Variants in PANK1 observed in about 807,000 individuals in gnomAD.
PANK1 encodes the protein pantothenate kinase 1, also known as pantothenic acid kinase 1.
A neutral mutation model predicts 40.1 loss-of-function variants in PANK1; 18 were observed. The observed-to-expected ratio is 0.45, with a 90% CI of 0.31 to 0.67. The LOEUF (loss-of-function observed/expected upper bound fraction) is 0.67, where lower values mean the gene tolerates loss of function less well. Ranked by LOEUF, PANK1 falls within the 30% of genes least tolerant of loss-of-function variation. The probability of loss-of-function intolerance (pLI) is 0.06; values close to 1 mark genes in which losing one functional copy is unlikely to be tolerated. For missense variants in PANK1, 457 were observed against 599.6 expected, an observed-to-expected ratio of 0.76 and a Z score of 2.48; for synonymous variants, 242 against 237.7, an observed-to-expected ratio of 1.02 and a Z score of -0.17.
chr10:89,595,764 C>A (rs7905082), intron 3 of PANK1, among the ~76,000 whole-genome samples: 83,643 of 137,260 alleles, frequency 0.61, 25,943 homozygotes, highest in East Asian at 0.93. Flanking sequence ...CTGTAGTGAG[C>A]CGAGATTGCA....
intron 1 of PANK1, among the ~76,000 whole-genome samples, chr10:89,624,691 G>C (rs376665803): frequency 2.6e-5 from 4 of 152,080 alleles, no homozygotes; most frequent in East Asian, 3.9e-4. Flanking sequence ...TTAACAACAT[G>C]GTTTCTCAAA....
chr10:89,589,994 T>C (rs1193998835), intron 5 of PANK1, among the ~76,000 whole-genome samples: 1 of 145,314 alleles, frequency 6.9e-6, no homozygotes, highest in Non-Finnish European at 1.5e-5. Flanking sequence ...GAGCATTCCA[T>C]GTTTCAAATA....
intron 2 of PANK1, among the ~76,000 whole-genome samples, chr10:89,608,834 T>C (rs1845063971): frequency 6.6e-6 from 1 of 152,250 alleles, no homozygotes; most frequent in South Asian, 2.1e-4. Flanking sequence ...GTTAGCATCT[T>C]CGATTTTCTA....
chr10:89,639,383 C>A (rs181750923), intron 1 of PANK1: 6 of 277,934 alleles, frequency 2.2e-5, no homozygotes, highest in Non-Finnish European at 3.9e-5. Flanking sequence ...TTGGAGATTA[C>A]ATTTCCAACA....
intron 1 of PANK1, among the ~76,000 whole-genome samples, chr10:89,637,826 G>A (rs1376789097): frequency 6.6e-6 from 1 of 151,956 alleles, no homozygotes; most frequent in African/African-American, 2.4e-5. Flanking sequence ...TTTGACTCTT[G>A]TAATAACACT....
downstream of PANK1, chr10:89,581,483 A>G (rs1844049424): frequency 6.6e-6 from 1 of 151,296 alleles, no homozygotes; most frequent in South Asian, 2.1e-4. Context: ...CATTGGTGTG[A>G]TCTCGGCTCA....
intron 1 of PANK1, among the ~76,000 whole-genome samples, chr10:89,620,438 A>C (rs1196601880): frequency 6.6e-6 from 1 of 152,214 alleles, no homozygotes; most frequent in Non-Finnish European, 1.5e-5. Flanking sequence ...ATGCAGTTGA[A>C]GATAAGGGAT....
chr10:89,604,718 T>C (rs1243463996), intron 2 of PANK1, among the ~76,000 whole-genome samples: 1 of 149,466 alleles, frequency 6.7e-6, no homozygotes, highest in East Asian at 2.0e-4. Context: ...AAAAAAGTTG[T>C]TTACACTATA....
chr10:89,596,839 C>T (rs1266512521), intron 3 of PANK1, among the ~76,000 whole-genome samples: 1 of 152,150 alleles, frequency 6.6e-6, no homozygotes, highest in Non-Finnish European at 1.5e-5. Flanking sequence ...TGTACTGCTA[C>T]TTTCACCAAA....
At chr10:89,610,986 TA>T (rs11318817) in intron 2 of PANK1, among the ~76,000 whole-genome samples, 82,657 of 150,858 alleles carry the variant, frequency 0.55, 23,320 homozygotes, top group South Asian at 0.63. Flanking sequence ...AAGGGAATGC[TA>T]AAAAAAAAAG....
chr10:89,603,746 G>T (rs897788520), intron 2 of PANK1, among the ~76,000 whole-genome samples: 1 of 152,140 alleles, frequency 6.6e-6, no homozygotes, highest in African/African-American at 2.4e-5. Context: ...TCACCTGGAG[G>T]GTTGGTTAAA....
chr10:89,642,042 T>C (rs887232041), intron 1 of PANK1, among the ~76,000 whole-genome samples: 1 of 152,144 alleles, frequency 6.6e-6, no homozygotes, highest in African/African-American at 2.4e-5. Context: ...AGTAAGTAGA[T>C]AGTCTAAGAA....
At chr10:89,642,984 T>C (rs1842010411) in intron 1 of PANK1, among the ~76,000 whole-genome samples, 1 of 152,214 alleles carries the variant, frequency 6.6e-6, no homozygotes, top group Non-Finnish European at 1.5e-5. Flanking sequence ...TCTTGTATTT[T>C]AAAATAATTT....
In PANK1 at chr10:89,635,778, C is replaced by A. The variant is rs144226831; in HGVS notation, c.292+8822G>T. Among the ~76,000 whole-genome samples the A allele has an allele frequency of 4.5e-3, 687 of 152,312 alleles. 3 individuals are homozygous for A. The highest frequency in any genetic ancestry group is 0.016 in the African/African-American group (659 of 41,562). On this transcript the variant is annotated intron_variant, in intron 1 of 6. Coordinates refer to ENST00000307534, the MANE Select transcript of PANK1 (RefSeq NM_148977.3). ...CCTGTGAAATCAAACAAGTTACTTA[C>A]TTCCAAAATACAATGGTGGAATAGG...
chr10:89,621,410 T>G (rs1485458394), intron 1 of PANK1, among the ~76,000 whole-genome samples: 1 of 152,210 alleles, frequency 6.6e-6, no homozygotes, highest in East Asian at 1.9e-4. Context: ...ACAAATTTGG[T>G]TGATAGTATA....
Position 89,644,602 on chromosome 10 carries a change from G to A in PANK1, c.290C>T (p.Pro97Leu). 6.3e-7 allele frequency: 1 copy of A among 1,589,542 alleles called. No homozygotes were observed. Residue 97 changes from proline (P) to leucine (L), a missense_variant and splice_region_variant, in exon 1 of 7, where the codon CCG (proline) becomes CTG (leucine). Physicochemically the swap from Pro to Leu is moderately conservative, Grantham distance 98. Coordinates refer to ENST00000307534, the MANE Select transcript of PANK1 (RefSeq NM_148977.3). ...RRMDSGRKNR[P>L]PFPWFGMDIG... ...GCTCCCCTCCCAGCGGGACTTACGC[G>A]GCCTGTTCTTTCTCCCCGAGTCCAT...
At chr10:89,609,288 C>A (rs2133959424) in intron 2 of PANK1, among the ~76,000 whole-genome samples, 2 of 152,216 alleles carry the variant, frequency 1.3e-5, no homozygotes, top group Middle Eastern at 6.8e-3. Context: ...TGGTTCAAAC[C>A]CCTGGCCTCA....
At chr10:89,586,468 CAA>C (rs948731912) in intron 6 of PANK1, among the ~76,000 whole-genome samples, 5 of 152,104 alleles carry the variant, frequency 3.3e-5, no homozygotes, top group Admixed American at 6.6e-5. Context: ...GCTTTAAAAA[CAA>C]GAGCTTTCTT....
chr10:89,642,814 C>T (rs1041560310), intron 1 of PANK1, among the ~76,000 whole-genome samples: 3 of 152,112 alleles, frequency 2.0e-5, no homozygotes, highest in Non-Finnish European at 4.4e-5. Context: ...GAGAAGAAAA[C>T]ATGGTAAATA....
Sources: gnomAD v4.1 joint callset for allele counts (sites outside exome capture counted in the v4.1 genomes callset) on GRCh38, gnomAD v4.1.1 for gene constraint, MANE v1.5 for transcripts, NCBI Gene and HGNC (gene_info 2026-07-23, HGNC 2026-07-21) for gene names.